Variants in DYM observed in about 807,000 individuals in gnomAD.
The protein encoded by DYM is dyggve-Melchior-Clausen syndrome protein.
In DYM, 78 loss-of-function variants were observed where a neutral mutation model predicts 93.1. The observed-to-expected ratio is 0.84, with a 90% CI of 0.70 to 1.01. DYM has a LOEUF of 1.01. DYM is among the 50% of genes least tolerant of loss of function. The pLI, the probability that DYM is intolerant of heterozygous loss-of-function variation, is 0.00. For synonymous variants in DYM, 321 were observed against 319.7 expected, an observed-to-expected ratio of 1.00 and a Z score of -0.04; for missense variants, 789 against 845.0, an observed-to-expected ratio of 0.93 and a Z score of 0.82.
At chr18:49,063,264 C>T (rs1024538412) in intron 17 of DYM, among the ~76,000 whole-genome samples, 1 of 151,452 alleles carries the variant, frequency 6.6e-6, no homozygotes, top group African/African-American at 2.4e-5. Flanking sequence ...AGTGAAACCG[C>T]AAGATTAGGA....
At chr18:49,147,465 T>C (rs1176476489) in intron 15 of DYM, among the ~76,000 whole-genome samples, 1 of 152,070 alleles carries the variant, frequency 6.6e-6, no homozygotes, top group African/African-American at 2.4e-5. Flanking sequence ...AGGGCTAATA[T>C]ACAGAATCTA....
At chr18:49,150,928 T>C (rs1671185706) in intron 15 of DYM, among the ~76,000 whole-genome samples, 1 of 152,180 alleles carries the variant, frequency 6.6e-6, no homozygotes, top group Admixed American at 6.5e-5. Context: ...TATTTAAGGA[T>C]TGTTTAGTTC....
intron 15 of DYM, among the ~76,000 whole-genome samples, chr18:49,158,209 C>T (rs2086661991): frequency 2.0e-5 from 3 of 152,284 alleles, no homozygotes; most frequent in South Asian, 2.1e-4. Context: ...TTCTGACAAC[C>T]CACAAGTTTG....
At chr18:49,278,281 A>G (rs1370943734) in intron 10 of DYM, among the ~76,000 whole-genome samples, 2 of 152,202 alleles carry the variant, frequency 1.3e-5, no homozygotes. Flanking sequence ...AATGAGTACG[A>G]TATCAAAATG....
chr18:49,173,013 GTTTTT>G (rs35994544), intron 14 of DYM, among the ~76,000 whole-genome samples: 2 of 147,768 alleles, frequency 1.4e-5, no homozygotes, highest in African/African-American at 5.0e-5. Flanking sequence ...TGGTTTGGGT[GTTTTT>G]TTTTTAATTT....
chr18:49,064,397 G>A (rs1398847335), intron 17 of DYM, among the ~76,000 whole-genome samples: 1 of 152,138 alleles, frequency 6.6e-6, no homozygotes, highest in Non-Finnish European at 1.5e-5. Context: ...CACTTATAAT[G>A]AAAATGCCTT....
At chr18:49,114,450 A>G (rs79170715) in intron 16 of DYM, 45,541 of 662,110 alleles carry the variant, frequency 0.069, 2,173 homozygotes, top group East Asian at 0.25. Flanking sequence ...AGCACTGGGT[A>G]TAAGTCCAAC....
At chr18:49,161,627 C>G (rs535277644) in intron 15 of DYM, among the ~76,000 whole-genome samples, 3 of 152,258 alleles carry the variant, frequency 2.0e-5, no homozygotes, top group African/African-American at 7.2e-5. Context: ...ATTAAGCGAG[C>G]TGTTATGCTA....
At chr18:49,290,719 C>T (rs1404069208) in intron 8 of DYM, among the ~76,000 whole-genome samples, 1 of 151,924 alleles carries the variant, frequency 6.6e-6, no homozygotes, top group Non-Finnish European at 1.5e-5. Flanking sequence ...CATATCTATG[C>T]ATGTAAGTCC....
At chr18:49,380,795 T>C (rs1007077142) in intron 3 of DYM, among the ~76,000 whole-genome samples, 1 of 152,208 alleles carries the variant, frequency 6.6e-6, no homozygotes, top group Non-Finnish European at 1.5e-5. Context: ...AAGTCAACAA[T>C]ATGTTAGTAG....
At position 49,038,288 on chromosome 18, in the gene DYM, A is replaced by C. The variant is rs2070777774; in HGVS notation, c.*5767T>G. ...TATGCTAGTTTTTCTACCAATTAAC[A>C]AAATAGGCATGTTAAAATATCACTC... On this transcript the variant is annotated 3_prime_UTR_variant, in exon 18 of 18. Coordinates refer to ENST00000675505, the MANE Select transcript of DYM (RefSeq NM_001353214.3). 6.6e-6 allele frequency among the ~76,000 whole-genome samples: 1 copy of C among 152,246 alleles called. No homozygotes were observed. Among genetic ancestry groups the C allele is most frequent in the Non-Finnish European group, 1.5e-5 (1 of 68,036 alleles).
At chr18:49,411,156 G>A (rs779119612) in intron 2 of DYM, among the ~76,000 whole-genome samples, 10 of 152,224 alleles carry the variant, frequency 6.6e-5, no homozygotes, top group Non-Finnish European at 1.2e-4. Flanking sequence ...TTAACTTCCA[G>A]ATTAATACTC....
chr18:49,419,374 A>T (rs565637692), intron 2 of DYM, among the ~76,000 whole-genome samples: 297 of 152,086 alleles, frequency 2.0e-3, no homozygotes, highest in African/African-American at 6.9e-3. Flanking sequence ...TTAAAAAAAT[A>T]AAATAAAATA....
At chr18:49,373,295 G>T (rs1181990150) in intron 5 of DYM, among the ~76,000 whole-genome samples, 1 of 151,738 alleles carries the variant, frequency 6.6e-6, no homozygotes, top group East Asian at 1.9e-4. Context: ...ATGAAAGAAC[G>T]GCTACTCCAG....
chr18:49,154,396 C>G (rs956894533), intron 15 of DYM, among the ~76,000 whole-genome samples: 3 of 151,842 alleles, frequency 2.0e-5, no homozygotes, highest in Non-Finnish European at 2.9e-5. Flanking sequence ...TATGAAAATT[C>G]ATTTTTGTTT....
chr18:49,326,032 C>A (rs1188958803), intron 8 of DYM, among the ~76,000 whole-genome samples: 1 of 152,210 alleles, frequency 6.6e-6, no homozygotes, highest in Non-Finnish European at 1.5e-5. Context: ...ATCAGCGGTG[C>A]TGAAATGACT....
rs116746141 is a variant in DYM, at chr18:49,189,710, A to G, written c.1625+19841T>C. On this transcript the variant is annotated intron_variant, in intron 14 of 17. Transcript: ENST00000675505. Reference sequence around the variant, plus strand: ...GTAGAACCACAAATTATTACTGTATATAGAGTCAATGCACAGGTTATTAAT... The same window carrying G: ...GTAGAACCACAAATTATTACTGTATGTAGAGTCAATGCACAGGTTATTAAT... 3.0e-3 allele frequency among the ~76,000 whole-genome samples: 460 copies of G among 152,316 alleles called. 3 individuals are homozygous for G. Among genetic ancestry groups the G allele is most frequent in the African/African-American group, 0.01 (425 of 41,570 alleles).
intron 17 of DYM, among the ~76,000 whole-genome samples, chr18:49,067,794 G>C (rs1303348589): frequency 6.6e-6 from 1 of 152,130 alleles, no homozygotes; most frequent in Non-Finnish European, 1.5e-5. Flanking sequence ...AAATGTGCAT[G>C]AAAGTAGAAC....
chr18:49,409,311 A>C (rs1269721063), intron 2 of DYM, among the ~76,000 whole-genome samples: 1 of 151,886 alleles, frequency 6.6e-6, no homozygotes, highest in Non-Finnish European at 1.5e-5. Context: ...AAAAAAAAGA[A>C]AAAAACTTAG....
Sources: allele counts gnomAD v4.1 joint callset (sites outside exome capture counted in the v4.1 genomes callset), GRCh38; gene constraint gnomAD v4.1.1; transcripts MANE v1.5; gene names NCBI Gene and HGNC (gene_info 2026-07-23, HGNC 2026-07-21).